FNDC3B: variants seen among roughly 807,000 people sequenced by gnomAD.
FNDC3B encodes the protein fibronectin type III domain-containing protein 3B.
Under a neutral mutation model 151.5 loss-of-function variants are expected in FNDC3B, and 12 were observed. The observed-to-expected ratio is 0.08, with a 90% CI of 0.05 to 0.13. The LOEUF (loss-of-function observed/expected upper bound fraction) is 0.13, where lower values mean the gene tolerates loss of function less well. FNDC3B is among the 10% of genes least tolerant of loss of function. The pLI is 1.00. For missense variants in FNDC3B, 1,214 were observed against 1,505.3 expected (o/e 0.81, Z 3.20); for synonymous variants, 528 against 549.0 (o/e 0.96, Z 0.54).
At chr3:172,211,738 C>T (rs1219283634) in intron 3 of FNDC3B, among the ~76,000 whole-genome samples, 1 of 152,142 alleles carries the variant, frequency 6.6e-6, no homozygotes, top group Non-Finnish European at 1.5e-5. Context: ...AACCCTTTAC[C>T]AGTTAGGATT....
At chr3:172,235,182 T>G (rs938068487) in intron 4 of FNDC3B, among the ~76,000 whole-genome samples, 1 of 152,190 alleles carries the variant, frequency 6.6e-6, no homozygotes, top group Non-Finnish European at 1.5e-5. Flanking sequence ...ATCTAGTAAC[T>G]ACAATAATTT....
intron 22 of FNDC3B, 94 bp downstream of exon 22, chr3:172,353,177 C>A: frequency 8.2e-7 from 1 of 1,217,332 alleles, no homozygotes; most frequent in Non-Finnish European, 1.2e-6. Flanking sequence ...GATGTCATCT[C>A]CCAGCTGTTT....
chr3:172,062,183 C>T (rs1410647621), intron 1 of FNDC3B, among the ~76,000 whole-genome samples: 1 of 152,116 alleles, frequency 6.6e-6, no homozygotes, highest in Non-Finnish European at 1.5e-5. Flanking sequence ...CTCCTTACCC[C>T]TCAGCCCCCT....
intron 6 of FNDC3B, 106 bp downstream of exon 6, chr3:172,251,647 G>T (rs1426614402): frequency 9.2e-7 from 1 of 1,084,150 alleles, no homozygotes; most frequent in Non-Finnish European, 1.3e-6. Flanking sequence ...GTGGTTGGTT[G>T]TTCTGCTAAG....
At chr3:172,346,501 A>C in intron 20 of FNDC3B, 61 bp downstream of exon 20, 1 of 1,016,260 alleles carries the variant, frequency 9.8e-7, no homozygotes, top group Non-Finnish European at 1.5e-6. Flanking sequence ...AAATACAAAT[A>C]CCAATTATAA....
intron 3 of FNDC3B, among the ~76,000 whole-genome samples, chr3:172,200,505 T>C (rs1433720189): frequency 6.6e-6 from 1 of 152,254 alleles, no homozygotes. Context: ...TCACTTTCAG[T>C]ACAGTATTCA....
chr3:172,263,892 C>T (rs1728788297), intron 6 of FNDC3B, among the ~76,000 whole-genome samples: 1 of 152,116 alleles, frequency 6.6e-6, no homozygotes, highest in Admixed American at 6.6e-5. Flanking sequence ...AGGTAGTAAA[C>T]ATACATGCAT....
At chr3:172,344,029 C>G (rs763843762) in intron 18 of FNDC3B, 57 bp from the exon 19 acceptor site, 26 of 1,523,248 alleles carry the variant, frequency 1.7e-5, no homozygotes, top group Non-Finnish European at 1.9e-5. Flanking sequence ...ATCTGGTGCA[C>G]TTTGGTCAAC....
intron 23 of FNDC3B, among the ~76,000 whole-genome samples, chr3:172,364,170 C>G (rs1169415033): frequency 6.6e-6 from 1 of 152,136 alleles, no homozygotes; most frequent in Non-Finnish European, 1.5e-5. Flanking sequence ...CTATATGTGC[C>G]TTCGGATGTG....
chr3:172,376,280 ATTTC>A (rs1474243383), intron 23 of FNDC3B, among the ~76,000 whole-genome samples: 1 of 152,124 alleles, frequency 6.6e-6, no homozygotes, highest in African/African-American at 2.4e-5. Flanking sequence ...GCTTCAGTAA[ATTTC>A]TTTGTGACTG....
At chr3:172,329,234 C>T (rs1040564495) in intron 12 of FNDC3B, 158 bp downstream of exon 12, 16 of 828,538 alleles carry the variant, frequency 1.9e-5, no homozygotes, top group Non-Finnish European at 3.0e-5. Flanking sequence ...AGAAGGCCTC[C>T]TTTAAGCTGG....
Position 172,247,546 on chromosome 3 carries a change from G to C in FNDC3B, c.278G>C (p.Ser93Thr). ...GTTTTTCTTTAGGTGATTGAAGATA[G>C]TACTGGAGTCCGCCGGGTGGTGGTC... Reference protein sequence around the residue: ...PGYISQVIEDSTGVRRVVVTP... With the variant: ...PGYISQVIEDTTGVRRVVVTP... The change falls in exon 5 of 26, where the codon AGT (serine) becomes ACT (threonine). Residue 93 changes from serine (S) to threonine (T), a missense_variant. By Grantham distance (58) the Ser-to-Thr change is moderately conservative (BLOSUM62 1). Coordinates refer to ENST00000415807, the MANE Select transcript of FNDC3B (RefSeq NM_022763.4). 6.2e-7 allele frequency: 1 copy of C among 1,614,008 alleles called. No individual in the cohort carries two copies. Among genetic ancestry groups the C allele is most frequent in the African/African-American group, 1.3e-5 (1 of 75,002 alleles).
chr3:172,341,310 C>A, intron 17 of FNDC3B, 79 bp downstream of exon 17: 1 of 999,230 alleles, frequency 1.0e-6, no homozygotes, highest in Non-Finnish European at 1.6e-6. Flanking sequence ...AAGCAAATTG[C>A]AGTTTAAACA....
In FNDC3B at chr3:172,333,120, A is replaced by T; in HGVS notation, c.1586A>T (p.Glu529Val). 1 of 1,613,308 alleles carries T rather than the reference A, an allele frequency of 6.2e-7. No homozygotes were observed. The highest frequency in any genetic ancestry group is 8.5e-7 in the Non-Finnish European group (1 of 1,179,230). The part of the protein sequence containing the change: ...DNLFHPKYTG[E>V]DLTCTVKNLK... ...CTTTTCCACCCAAAATACACTGGAG[A>T]GGATTTAACCTGTACTGTGAAAAAT... The change falls in exon 14 of 26, where the codon GAG becomes GTG. Residue 529 changes from glutamate to valine, a missense_variant. By Grantham distance (121) the Glu-to-Val change is moderately radical. This residue lies in a region of FNDC3B where 111 missense variants were observed against 96.8 expected (regional missense o/e 1.15). Transcript: ENST00000415807.
chr3:172,141,727 G>C lies in FNDC3B; in HGVS notation c.187+8181G>C, dbSNP rs184379861. Among the ~76,000 whole-genome samples, 834 of 152,218 alleles carry C rather than the reference G, an allele frequency of 5.5e-3. 3 individuals carry two copies. The highest frequency in any genetic ancestry group is 0.014 in the Middle Eastern group (4 of 294). ...TAGCTGGGCTTGGTGGTTGGCACCT[G>C]TAATCCCAGCTACTCAGGAGGCTTG... is the stretch of plus-strand genomic sequence containing the variant. On this transcript the variant is annotated intron_variant, in intron 3 of 25. Transcript: ENST00000415807.
At chr3:172,274,420 G>A (rs370680070) in intron 6 of FNDC3B, among the ~76,000 whole-genome samples, 150 of 152,246 alleles carry the variant, frequency 9.9e-4, no homozygotes, top group African/African-American at 3.3e-3. Flanking sequence ...TGGCCCCCAA[G>A]AAGAAGTAGA....
chr3:172,116,118 G>C (rs1166264148), intron 2 of FNDC3B, among the ~76,000 whole-genome samples: 1 of 152,194 alleles, frequency 6.6e-6, no homozygotes, highest in Non-Finnish European at 1.5e-5. Flanking sequence ...GAAAGGGCAA[G>C]AGTGAAAAGG....
At chr3:172,253,814 C>T (rs1171754810) in intron 6 of FNDC3B, among the ~76,000 whole-genome samples, 1 of 151,930 alleles carries the variant, frequency 6.6e-6, no homozygotes, top group East Asian at 1.9e-4. Flanking sequence ...GAGTCTTGCC[C>T]TGTCACGCAG....
chr3:172,154,353 C>G (rs999394691), intron 3 of FNDC3B, among the ~76,000 whole-genome samples: 6 of 152,114 alleles, frequency 3.9e-5, no homozygotes, highest in African/African-American at 1.4e-4. Context: ...GTAGCTGGGA[C>G]TACAGGTGCG....
Sources: allele counts gnomAD v4.1 joint callset (sites outside exome capture counted in the v4.1 genomes callset), GRCh38; gene constraint gnomAD v4.1.1; regional missense constraint gnomAD v4.1.1; transcripts MANE v1.5; gene names NCBI Gene and HGNC (gene_info 2026-07-23, HGNC 2026-07-21).